The following USH2A variants were observed in gnomAD, a reference collection of about 807,000 sequenced individuals.
USH2A encodes the protein usherin.
A neutral mutation model predicts 538.9 loss-of-function variants in USH2A; 443 were observed. That is an observed-to-expected ratio of 0.82 (90% CI 0.76 to 0.89). USH2A has a LOEUF of 0.89. Ranked by LOEUF, USH2A falls within the 40% of genes least tolerant of loss-of-function variation. The pLI is 0.00. For synonymous variants in USH2A, 2,413 were observed against 2,273.5 expected (o/e 1.06, Z -1.75); for missense variants, 6,633 against 6,324.8 (o/e 1.05, Z -1.65).
chr1:216,122,744 G>A (rs1170060347), intron 21 of USH2A, among the ~76,000 whole-genome samples: 1 of 152,162 alleles, frequency 6.6e-6, no homozygotes, highest in Non-Finnish European at 1.5e-5. Context: ...ATGAATTCAT[G>A]ACCCAAGGGA....
intron 21 of USH2A, among the ~76,000 whole-genome samples, chr1:216,158,092 G>A (rs2033985686): frequency 6.6e-6 from 1 of 151,968 alleles, no homozygotes; most frequent in Non-Finnish European, 1.5e-5. Flanking sequence ...ATTTCTATAT[G>A]CAGTCCACTG....
In USH2A at chr1:215,671,129, C is replaced by T. The variant is rs760462726; in HGVS notation, c.13976G>A (p.Gly4659Glu). ...FQPTVSLLWT[G>E]PLQPNGKVLY... Reference sequence around the variant, plus strand: ...AACTTTTCCATTTGGCTGCAGCGGTCCTGTCCACAAAAGAGAAACAGTTGG... The same window carrying T: ...AACTTTTCCATTTGGCTGCAGCGGTTCTGTCCACAAAAGAGAAACAGTTGG... The change falls in exon 64 of 72, where the codon GGA becomes GAA. Residue 4659 changes from glycine to glutamate, a missense_variant. Coordinates refer to ENST00000307340, the MANE Select transcript of USH2A (RefSeq NM_206933.4). 4 of 1,614,052 alleles carry T rather than the reference C, an allele frequency of 2.5e-6. No individual in the cohort carries two copies. In the Admixed American group the frequency reaches 6.7e-5, roughly 27 times the overall value.
At chr1:215,971,378 T>C (rs998086956) in intron 35 of USH2A, among the ~76,000 whole-genome samples, 1 of 152,100 alleles carries the variant, frequency 6.6e-6, no homozygotes, top group African/African-American at 2.4e-5. Context: ...CATATAAGCA[T>C]TGAAAATCTG....
chr1:215,647,750 G>A lies in USH2A; in HGVS notation c.14583-20C>T, dbSNP rs377566293. On this transcript the variant is annotated intron_variant, in intron 66 of 71. Coordinates refer to ENST00000307340, the MANE Select transcript of USH2A (RefSeq NM_206933.4). Reference sequence around the variant, plus strand: ...TCATAGCTAAAATGAGAATGGATACGTAGAGTCAAGACGGGTAATGGAATT... The same window carrying A: ...TCATAGCTAAAATGAGAATGGATACATAGAGTCAAGACGGGTAATGGAATT... 8.1e-6 allele frequency: 13 copies of A among 1,612,374 alleles called. No homozygotes were observed. Among genetic ancestry groups the A allele is most frequent in the East Asian group, 2.2e-5 (1 of 44,882 alleles).
intron 35 of USH2A, among the ~76,000 whole-genome samples, chr1:215,988,718 G>T (rs1667937672): frequency 6.6e-6 from 1 of 152,008 alleles, no homozygotes; most frequent in South Asian, 2.1e-4. Flanking sequence ...TTTTTTAACT[G>T]AGCAATTATT....
At chr1:216,213,478 G>T (rs891412345) in intron 15 of USH2A, among the ~76,000 whole-genome samples, 1 of 151,936 alleles carries the variant, frequency 6.6e-6, no homozygotes, top group African/African-American at 2.4e-5. Context: ...AATGGGGAAA[G>T]GATGGCAATT....
intron 41 of USH2A, among the ~76,000 whole-genome samples, chr1:215,881,489 C>T (rs534180706): frequency 1.3e-5 from 2 of 152,136 alleles, no homozygotes; most frequent in African/African-American, 2.4e-5. Context: ...GTATTCTATT[C>T]TTTTCTATGC....
intron 21 of USH2A, among the ~76,000 whole-genome samples, chr1:216,140,969 T>C (rs1367609730): frequency 6.6e-6 from 1 of 152,234 alleles, no homozygotes; most frequent in Non-Finnish European, 1.5e-5. Context: ...CATATGTCTT[T>C]CTTCCACAGA....
chr1:215,834,919 C>T (rs1156936165), intron 47 of USH2A, among the ~76,000 whole-genome samples: 1 of 151,730 alleles, frequency 6.6e-6, no homozygotes, highest in Non-Finnish European at 1.5e-5. Context: ...TTTTCAGAGA[C>T]ATTCCCTTGA....
chr1:216,153,499 A>C (rs58097592), intron 21 of USH2A, among the ~76,000 whole-genome samples: 3,444 of 152,330 alleles, frequency 0.023, 107 homozygotes, highest in African/African-American at 0.074. Context: ...GCCCAATTAT[A>C]TTCCTATGAT....
At chr1:216,081,359 T>C (rs2031935546) in intron 26 of USH2A, among the ~76,000 whole-genome samples, 1 of 152,142 alleles carries the variant, frequency 6.6e-6, no homozygotes, top group African/African-American at 2.4e-5. Flanking sequence ...GTTTCAGCAA[T>C]GGAAACATTC....
chr1:216,047,620 C>T (rs906289059), intron 31 of USH2A, among the ~76,000 whole-genome samples: 1 of 152,056 alleles, frequency 6.6e-6, no homozygotes, highest in Admixed American at 6.5e-5. Flanking sequence ...GTCTTCCTTT[C>T]TGTTACATAT....
chr1:215,880,993 C>A (rs372260507), intron 41 of USH2A, among the ~76,000 whole-genome samples: 1 of 152,266 alleles, frequency 6.6e-6, no homozygotes, highest in East Asian at 1.9e-4. Flanking sequence ...GTAATCCCAG[C>A]TACCTGGGAG....
intron 30 of USH2A, among the ~76,000 whole-genome samples, chr1:216,065,064 A>T (rs2031306520): frequency 6.6e-6 from 1 of 152,222 alleles, no homozygotes; most frequent in African/African-American, 2.4e-5. Context: ...GTTTGTGACA[A>T]ATTTGATATA....
chr1:216,298,309 GC>G (rs2037144864), intron 9 of USH2A, among the ~76,000 whole-genome samples: 1 of 152,134 alleles, frequency 6.6e-6, no homozygotes, highest in African/African-American at 2.4e-5. Flanking sequence ...AGCAAATCCA[GC>G]AAAAGCATTC....
chr1:215,714,914 G>T (rs531685883), intron 61 of USH2A, among the ~76,000 whole-genome samples: 1 of 152,340 alleles, frequency 6.6e-6, no homozygotes, highest in South Asian at 2.1e-4. Flanking sequence ...AATTCCCAAA[G>T]ATTTTTGATT....
intron 21 of USH2A, among the ~76,000 whole-genome samples, chr1:216,108,891 A>G (rs1333249894): frequency 2.0e-5 from 3 of 151,930 alleles, no homozygotes; most frequent in South Asian, 2.1e-4. Context: ...AATGTTTACA[A>G]TATTTGCTTT....
chr1:216,199,494 G>C, intron 17 of USH2A, 133 bp downstream of exon 17: 1 of 1,337,184 alleles, frequency 7.5e-7, no homozygotes, highest in South Asian at 1.2e-5. Context: ...TATATCTTTA[G>C]AAACTGTTTC....
chr1:216,154,649 A>T (rs146499938), intron 21 of USH2A, among the ~76,000 whole-genome samples: 105 of 151,794 alleles, frequency 6.9e-4, no homozygotes, highest in African/African-American at 2.5e-3. Flanking sequence ...CATTTCCATC[A>T]CCCCCTCCTC....
Sources: allele counts gnomAD v4.1 joint callset (sites outside exome capture counted in the v4.1 genomes callset), GRCh38; gene constraint gnomAD v4.1.1; transcripts MANE v1.5; gene names NCBI Gene and HGNC (gene_info 2026-07-23, HGNC 2026-07-21).